Variants in GRAP2 observed in about 807,000 individuals in gnomAD.
GRAP2 encodes GRB2 related adaptor protein 2.
Under a neutral mutation model 43.5 loss-of-function variants are expected in GRAP2, and 31 were observed. That is an observed-to-expected ratio of 0.71 (90% CI 0.54 to 0.96). The LOEUF is 0.96. GRAP2 is among the 40% of genes least tolerant of loss of function. GRAP2 has a pLI of 0.00. For synonymous variants in GRAP2, 156 were observed against 164.8 expected, an observed-to-expected ratio of 0.95 and a Z score of 0.41; for missense variants, 371 against 424.4, an observed-to-expected ratio of 0.87 and a Z score of 1.11.
intron 4 of GRAP2, among the ~76,000 whole-genome samples, chr22:39,961,595 G>A (rs554972831): frequency 2.2e-4 from 33 of 152,290 alleles, no homozygotes; most frequent in South Asian, 1.7e-3. Flanking sequence ...CAGTCCACGC[G>A]TAGACATTAC....
intron 1 of GRAP2, among the ~76,000 whole-genome samples, chr22:39,929,779 C>T (rs936961668): frequency 9.9e-5 from 15 of 152,212 alleles, no homozygotes; most frequent in African/African-American, 3.1e-4. Context: ...GAGTTCTATA[C>T]CTGCATAGCC....
chr22:39,936,354 A>G (rs1262991931), intron 1 of GRAP2, among the ~76,000 whole-genome samples: 2 of 152,190 alleles, frequency 1.3e-5, no homozygotes, highest in South Asian at 2.1e-4. Context: ...AGGAAACAAT[A>G]AGAATAAAAT....
intron 1 of GRAP2, among the ~76,000 whole-genome samples, chr22:39,943,395 T>A (rs1211672316): frequency 1.3e-5 from 2 of 151,606 alleles, no homozygotes; most frequent in Non-Finnish European, 2.9e-5. Flanking sequence ...TGTGTGGCAT[T>A]ACCCTCTGGT....
chr22:39,927,813 A>T (rs1023152868), intron 1 of GRAP2, among the ~76,000 whole-genome samples: 1 of 152,226 alleles, frequency 6.6e-6, no homozygotes, highest in African/African-American at 2.4e-5. Flanking sequence ...CAACAGGGTA[A>T]GGGGACCCTG....
At chr22:39,913,702 G>C (rs1452210564) in intron 1 of GRAP2, among the ~76,000 whole-genome samples, 1 of 152,152 alleles carries the variant, frequency 6.6e-6, no homozygotes, top group Non-Finnish European at 1.5e-5. Context: ...ATAAGAAATG[G>C]AACAGAACTC....
chr22:39,941,873 T>C (rs1262459438), intron 1 of GRAP2, among the ~76,000 whole-genome samples: 1 of 152,048 alleles, frequency 6.6e-6, no homozygotes, highest in Non-Finnish European at 1.5e-5. Flanking sequence ...TTTTTTTTTT[T>C]TGTCTGTTTG....
intron 1 of GRAP2, among the ~76,000 whole-genome samples, chr22:39,914,718 A>G (rs1348367533): frequency 2.0e-5 from 3 of 152,148 alleles, no homozygotes; most frequent in Non-Finnish European, 4.4e-5. Context: ...TTTTGCTTCT[A>G]TAAAGTAGTC....
chr22:39,928,398 G>A (rs1184000683), intron 1 of GRAP2, among the ~76,000 whole-genome samples: 3 of 152,158 alleles, frequency 2.0e-5, no homozygotes, highest in Non-Finnish European at 2.9e-5. Flanking sequence ...CTTCAAGTTG[G>A]CTTAATATTC....
chr22:39,968,330 C>G (rs1316454392), intron 6 of GRAP2, 58 bp downstream of exon 6: 2 of 1,573,620 alleles, frequency 1.3e-6, no homozygotes, highest in Non-Finnish European at 1.7e-6. Context: ...TGCCTCCCCT[C>G]CAGGCCTGGC....
chr22:39,924,814 A>G (rs2066683617), intron 1 of GRAP2, among the ~76,000 whole-genome samples: 1 of 152,230 alleles, frequency 6.6e-6, no homozygotes, highest in African/African-American at 2.4e-5. Context: ...CTGGGTTCCC[A>G]TCCTCTGGGG....
intron 1 of GRAP2, among the ~76,000 whole-genome samples, chr22:39,934,668 T>A (rs980201333): frequency 6.6e-6 from 1 of 152,156 alleles, no homozygotes; most frequent in Non-Finnish European, 1.5e-5. Context: ...ACCATCTTCA[T>A]GTTGGGAAGC....
Position 39,969,443 on chromosome 22 carries a change from T to G in GRAP2, c.723T>G (p.Asp241Glu). 1 of 1,614,006 alleles carries G rather than the reference T, an allele frequency of 6.2e-7. No individual in the cohort carries two copies. Among genetic ancestry groups the G allele is most frequent in the Non-Finnish European group, 8.5e-7 (1 of 1,179,912 alleles). Reference sequence around the variant, plus strand: ...GAGGAGGCAGCCTTGACATAAATGATGGGCATTGTGGCACCGGCTTGGGCA... The same window carrying G: ...GAGGAGGCAGCCTTGACATAAATGAGGGGCATTGTGGCACCGGCTTGGGCA... ...ERRGGSLDIN[D>E]GHCGTGLGSE... is the part of the protein sequence containing the mutation. Residue 241 changes from aspartate (D) to glutamate (E), a missense_variant, in exon 7 of 8, where the codon GAT (aspartate) becomes GAG (glutamate). By Grantham distance (45) the Asp-to-Glu change is conservative (BLOSUM62 2). Coordinates refer to ENST00000344138, the MANE Select transcript of GRAP2 (RefSeq NM_004810.4).
chr22:39,938,922 C>T (rs928350922), intron 1 of GRAP2, among the ~76,000 whole-genome samples: 20 of 152,126 alleles, frequency 1.3e-4, no homozygotes, highest in Non-Finnish European at 2.4e-4. Flanking sequence ...AATTCTCGGA[C>T]AAGCTGCAGA....
chr22:39,913,967 A>G (rs1266724287), intron 1 of GRAP2, among the ~76,000 whole-genome samples: 1 of 152,152 alleles, frequency 6.6e-6, no homozygotes, highest in Non-Finnish European at 1.5e-5. Context: ...AAGAACACAA[A>G]CTGCCGTCTG....
intron 5 of GRAP2, among the ~76,000 whole-genome samples, chr22:39,967,198 G>C (rs1413951612): frequency 6.6e-6 from 1 of 152,132 alleles, no homozygotes; most frequent in Non-Finnish European, 1.5e-5. Flanking sequence ...GTCCCTAGTT[G>C]CTTTTAAGCC....
intron 1 of GRAP2, among the ~76,000 whole-genome samples, chr22:39,907,349 G>A (rs143203996): frequency 5.3e-5 from 8 of 152,168 alleles, no homozygotes; most frequent in South Asian, 2.1e-4. Context: ...CAGAATTTCC[G>A]TGGGAAATTC....
intron 1 of GRAP2, among the ~76,000 whole-genome samples, chr22:39,943,605 G>A (rs1047414639): frequency 5.9e-5 from 9 of 152,134 alleles, no homozygotes; most frequent in Middle Eastern, 6.8e-3. Flanking sequence ...AGGCTGCAGC[G>A]TCTCACACTG....
chr22:39,920,825 C>G (rs1363331812), intron 1 of GRAP2, among the ~76,000 whole-genome samples: 1 of 151,826 alleles, frequency 6.6e-6, no homozygotes, highest in Non-Finnish European at 1.5e-5. Context: ...ACCGTGCATG[C>G]CCTGACAGCC....
At chr22:39,945,311 G>T (rs1051968983) in intron 1 of GRAP2, among the ~76,000 whole-genome samples, 4 of 152,210 alleles carry the variant, frequency 2.6e-5, no homozygotes, top group African/African-American at 9.7e-5. Context: ...CTTTGAATGG[G>T]TAATAGTCAT....
Sources: gnomAD v4.1 joint callset for allele counts (sites outside exome capture counted in the v4.1 genomes callset) on GRCh38, gnomAD v4.1.1 for gene constraint, MANE v1.5 for transcripts, NCBI Gene and HGNC (gene_info 2026-07-23, HGNC 2026-07-21) for gene names.